The following SDK1 variants were observed in gnomAD, a reference collection of about 807,000 sequenced individuals.
SDK1 encodes the protein sidekick cell adhesion molecule 1.
SDK1 carries 157 observed loss-of-function variants against 245.5 expected under a neutral mutation model. The ratio of observed to expected loss-of-function variants is 0.64; its 90% CI spans 0.56 to 0.73. SDK1 has a LOEUF of 0.73. Ranked by LOEUF, SDK1 falls within the 30% of genes least tolerant of loss-of-function variation. The pLI, the probability that SDK1 is intolerant of heterozygous loss-of-function variation, is 0.00. For synonymous variants in SDK1, 1,647 were observed against 1,278.5 expected, an observed-to-expected ratio of 1.29 and a Z score of -6.15; for missense variants, 3,583 against 3,002.3, an observed-to-expected ratio of 1.19 and a Z score of -4.52.
intron 5 of SDK1, among the ~76,000 whole-genome samples, chr7:3,838,421 C>T (rs1780075216): frequency 6.6e-6 from 1 of 152,134 alleles, no homozygotes; most frequent in Non-Finnish European, 1.5e-5. Flanking sequence ...TTAACTGAGA[C>T]CTAAAGGTTG....
chr7:3,579,684 G>A (rs576085698), intron 1 of SDK1, among the ~76,000 whole-genome samples: 23 of 151,654 alleles, frequency 1.5e-4, no homozygotes, highest in African/African-American at 5.3e-4. Context: ...TCCTGGTTGT[G>A]GAAACAAGGG....
chr7:3,792,944 T>C (rs1198425131), intron 4 of SDK1, among the ~76,000 whole-genome samples: 2 of 152,192 alleles, frequency 1.3e-5, no homozygotes, highest in Non-Finnish European at 2.9e-5. Context: ...TTTGGAACAA[T>C]GAAATGTTAA....
chr7:3,804,646 CG>C (rs1779194771), intron 4 of SDK1, among the ~76,000 whole-genome samples: 1 of 152,180 alleles, frequency 6.6e-6, no homozygotes, highest in Admixed American at 6.5e-5. Flanking sequence ...TAGGCCTGTT[CG>C]GACAAAACCA....
Position 3,680,551 on chromosome 7 carries a change from A to T in SDK1, c.713+38446A>T, listed in dbSNP as rs74608135. Among the ~76,000 whole-genome samples, 180 of 152,342 alleles carry T rather than the reference A, an allele frequency of 1.2e-3. 1 individual carries two copies. The highest frequency in any genetic ancestry group is 4.2e-3 in the African/African-American group (175 of 41,572). On this transcript the variant is annotated intron_variant, in intron 4 of 44. Transcript: ENST00000404826. ...GGTTTTGATATTGTACCATAGTTAC[A>T]TAAGGTTTTACTTTGGGGGAAATTA...
chr7:3,311,684 A>G (rs1656255374), intron 1 of SDK1, among the ~76,000 whole-genome samples: 1 of 152,202 alleles, frequency 6.6e-6, no homozygotes, highest in Admixed American at 6.5e-5. Flanking sequence ...GGAGGCTTCT[A>G]GCAACATTGT....
chr7:4,199,726 G>A (rs997422273), intron 35 of SDK1, among the ~76,000 whole-genome samples: 5 of 152,146 alleles, frequency 3.3e-5, no homozygotes, highest in African/African-American at 1.2e-4. Flanking sequence ...CCACACCTGT[G>A]CTGCTCTCAG....
At chr7:3,516,172 T>A (rs187819336) in intron 1 of SDK1, among the ~76,000 whole-genome samples, 1 of 151,492 alleles carries the variant, frequency 6.6e-6, no homozygotes, top group African/African-American at 2.4e-5. Flanking sequence ...TATAAACATA[T>A]ATACATGCAC....
chr7:3,419,776 A>G (rs985949389), intron 1 of SDK1, among the ~76,000 whole-genome samples: 2 of 152,198 alleles, frequency 1.3e-5, no homozygotes, highest in Admixed American at 1.3e-4. Context: ...TGTTCAAGAA[A>G]TGCCCTATGC....
At chr7:3,361,223 A>G (rs538741620) in intron 1 of SDK1, among the ~76,000 whole-genome samples, 1 of 152,250 alleles carries the variant, frequency 6.6e-6, no homozygotes, top group East Asian at 1.9e-4. Flanking sequence ...AAACGGGAGG[A>G]TTGCACTCGC....
rs184233873 is a variant in SDK1 at position 4,181,414 on chromosome 7, A to G, written c.5098+2828A>G. The stretch of plus-strand genomic sequence containing the variant: ...TGCTGCTGTGAGTGTGGGAGAGCGA[A>G]GAGCTTTTCAGCAGTGCAGAGCTGA... On this transcript the variant is annotated intron_variant, in intron 35 of 44. Coordinates refer to ENST00000404826, the MANE Select transcript of SDK1 (RefSeq NM_152744.4). Among the ~76,000 whole-genome samples, 1,116 of 152,304 alleles carry G rather than the reference A, an allele frequency of 7.3e-3. 15 individuals carry two copies. The highest frequency in any genetic ancestry group is 0.028 in the Admixed American group (424 of 15,302).
intron 5 of SDK1, among the ~76,000 whole-genome samples, chr7:3,869,254 C>T (rs1401475847): frequency 6.7e-6 from 1 of 149,662 alleles, no homozygotes; most frequent in African/African-American, 2.5e-5. Flanking sequence ...CTCCCGGGTT[C>T]AAGCGATTCT....
At chr7:4,180,745 C>T (rs548395907) in intron 35 of SDK1, among the ~76,000 whole-genome samples, 1 of 152,326 alleles carries the variant, frequency 6.6e-6, no homozygotes, top group Non-Finnish European at 1.5e-5. Flanking sequence ...GAAGGGGGAG[C>T]AGGCATCCCA....
intron 5 of SDK1, among the ~76,000 whole-genome samples, chr7:3,882,099 T>A (rs945845244): frequency 2.6e-5 from 4 of 151,954 alleles, no homozygotes; most frequent in African/African-American, 9.7e-5. Context: ...GAGAGCCAAG[T>A]GAAAGGGGAA....
chr7:3,596,019 A>G (rs1402857240), intron 1 of SDK1, among the ~76,000 whole-genome samples: 1 of 149,914 alleles, frequency 6.7e-6, no homozygotes. Context: ...TTCAGATAGT[A>G]TTTATTAAAA....
chr7:3,682,276 G>A (rs1784123667), intron 4 of SDK1, among the ~76,000 whole-genome samples: 1 of 152,178 alleles, frequency 6.6e-6, no homozygotes, highest in African/African-American at 2.4e-5. Flanking sequence ...CTAAACAGCA[G>A]AGCTGACACA....
chr7:4,051,859 A>G (rs547138360), intron 19 of SDK1, 29 bp downstream of exon 19: 1 of 1,586,414 alleles, frequency 6.3e-7, no homozygotes, highest in African/African-American at 1.3e-5. Flanking sequence ...GTGTCTCTTA[A>G]GTCACTTGTC....
chr7:3,825,318 T>TAAAAAAAAAAAA (rs763807672), intron 5 of SDK1, among the ~76,000 whole-genome samples: 1 of 71,372 alleles, frequency 1.4e-5, no homozygotes. Context: ...TTTCTTCCTC[T>TAAAAAAAAAAAA]AAAAAAAAAA....
intron 1 of SDK1, among the ~76,000 whole-genome samples, chr7:3,440,004 T>C (rs752866881): frequency 4.6e-5 from 7 of 152,236 alleles, no homozygotes; most frequent in Non-Finnish European, 1.0e-4. Context: ...TTAAGATATA[T>C]AATTTGATAT....
intron 5 of SDK1, among the ~76,000 whole-genome samples, chr7:3,846,721 T>G (rs913582680): frequency 1.3e-5 from 2 of 152,204 alleles, no homozygotes; most frequent in South Asian, 4.1e-4. Context: ...TGTTCTTGCC[T>G]TTATCTGGAA....
Sources: allele counts gnomAD v4.1 joint callset (sites outside exome capture counted in the v4.1 genomes callset), GRCh38; gene constraint gnomAD v4.1.1; transcripts MANE v1.5; gene names NCBI Gene and HGNC (gene_info 2026-07-23, HGNC 2026-07-21).